PGM3: variants seen among roughly 807,000 people sequenced by gnomAD.
PGM3 encodes phosphoglucomutase 3.
PGM3 carries 40 observed loss-of-function variants against 66.2 expected under a neutral mutation model. That is an observed-to-expected ratio of 0.60 (90% CI 0.47 to 0.79). The LOEUF (loss-of-function observed/expected upper bound fraction) is 0.79, where lower values mean the gene tolerates loss of function less well. PGM3 is among the 30% of genes least tolerant of loss of function. PGM3 has a pLI of 0.00. For missense variants in PGM3, 537 were observed against 643.4 expected (o/e 0.83, Z 1.79); for synonymous variants, 191 against 224.2 (o/e 0.85, Z 1.32).
intron 8 of PGM3, among the ~76,000 whole-genome samples, chr6:83,176,386 G>A (rs1431103681): frequency 6.6e-6 from 1 of 152,184 alleles, no homozygotes; most frequent in African/African-American, 2.4e-5. Context: ...GAGCAGAATT[G>A]CAAGCTTTTT....
chr6:83,189,804 T>C (rs1295383997), intron 2 of PGM3, among the ~76,000 whole-genome samples: 1 of 152,232 alleles, frequency 6.6e-6, no homozygotes, highest in African/African-American at 2.4e-5. Context: ...TAGAATATTA[T>C]TCAGCCTTAA....
Position 83,168,458 on chromosome 6 carries a change from C to T in PGM3, c.*776G>A. On this transcript the variant is annotated 3_prime_UTR_variant, in exon 13 of 13. Coordinates refer to ENST00000513973, the MANE Select transcript of PGM3 (RefSeq NM_015599.3). ...CTTAAACCTGCAAAATATACACTAC[C>T]CATTTTTTTTTTCCATTGGTTTCAG... 1 of 1,065,186 alleles carries T rather than the reference C, an allele frequency of 9.4e-7. No individual in the cohort carries two copies. The highest frequency in any genetic ancestry group is 1.1e-6 in the Non-Finnish European group (1 of 881,646). 66.0% of individuals were successfully genotyped at this position (1,065,186 alleles called of 1,614,324 possible).
chr6:83,150,704 CTT>C, the PGM3 span, among the ~76,000 whole-genome samples: 1 of 152,058 alleles, frequency 6.6e-6, no homozygotes, highest in South Asian at 2.1e-4. Context: ...TGAGTAGACT[CTT>C]AGCAAATAAT....
Position 83,169,211 on chromosome 6 carries a change from T to G in PGM3, c.*23A>C. ...GTAAAGACTTGTAAAAAGTCCAGTT[T>G]CTCAGGAATATGAAAATTATCTTCA... On this transcript the variant is annotated 3_prime_UTR_variant, in exon 13 of 13. Coordinates refer to ENST00000513973, the MANE Select transcript of PGM3 (RefSeq NM_015599.3). 6.2e-7 allele frequency: 1 copy of G among 1,613,546 alleles called. No homozygotes were observed. Among genetic ancestry groups the G allele is most frequent in the South Asian group, 1.1e-5 (1 of 90,968 alleles).
rs768908361 is a variant in PGM3 at position 83,170,446 on chromosome 6, A to G, written c.1398T>C (p.Asp466=). ...VADRRVISTT[D]AERQAVTPPG... ...GGGGTGTAACTGCTTGTCTTTCAGC[A>G]TCGGTAGTGCTAATAACTCTCCTGT... is the stretch of plus-strand genomic sequence containing the variant. Residue 466 remains aspartate, a synonymous_variant, in exon 12 of 13, where the codon GAT becomes GAC. Coordinates refer to ENST00000513973, the MANE Select transcript of PGM3 (RefSeq NM_015599.3). 3.7e-6 allele frequency: 6 copies of G among 1,613,978 alleles called. No individual in the cohort carries two copies. The highest frequency in any genetic ancestry group is 1.7e-5 in the Admixed American group (1 of 60,008).
Position 83,167,003 on chromosome 6 carries a change from T to C in PGM3, c.*2231A>G. 9 of 985,786 alleles carry C rather than the reference T, an allele frequency of 9.1e-6. No homozygotes were observed. Among genetic ancestry groups the C allele is most frequent in the Non-Finnish European group, 9.6e-6 (8 of 830,164 alleles). 61.1% of individuals were successfully genotyped at this position (985,786 alleles called of 1,614,324 possible). On this transcript the variant is annotated 3_prime_UTR_variant, in exon 13 of 13. Transcript: ENST00000513973. ...TTCAACCAACCTGTTCTCTCTTATC[T>C]TTCTCTAGACAGAATGATGTCTGTA...
chr6:83,157,132 T>C (rs771633916), downstream of PGM3: 7 of 1,582,272 alleles, frequency 4.4e-6, no homozygotes, highest in South Asian at 8.1e-5. Context: ...TAGAAAGTTT[T>C]ATGTGATAAA....
downstream of PGM3, among the ~76,000 whole-genome samples, chr6:83,162,182 G>T (rs1167646552): frequency 6.6e-6 from 1 of 152,050 alleles, no homozygotes; most frequent in South Asian, 2.1e-4. Flanking sequence ...TCCTATGCGG[G>T]GAGGGGAGAC....
rs1787737431 is a variant in PGM3, at chr6:83,176,063, A to G, written c.1030-3T>C. 1.3e-6 allele frequency: 2 copies of G among 1,497,816 alleles called. No individual in the cohort carries two copies. The highest frequency in any genetic ancestry group is 1.7e-4 in the Middle Eastern group (1 of 5,810). 92.8% of individuals were successfully genotyped at this position (1,497,816 alleles called of 1,614,324 possible). On this transcript the variant is annotated splice_region_variant and splice_polypyrimidine_tract_variant and intron_variant, in intron 8 of 12. Transcript: ENST00000513973. ...GTCTTAGTGCAATAGACAGGTACCT[A>G]TAACACATGCATTTAAAGAAATACA...
In PGM3 at chr6:83,182,994, A is replaced by C; in HGVS notation, c.458-16T>G. 1 of 1,607,120 alleles carries C rather than the reference A, an allele frequency of 6.2e-7. No homozygotes were observed. The highest frequency in any genetic ancestry group is 8.5e-7 in the Non-Finnish European group (1 of 1,176,446). Reference sequence around the variant, plus strand: ...AAGCCATAATCTGTCATAGAAATACAAAAAGCAATTCACCGCATTTCTTAA... The same window carrying C: ...AAGCCATAATCTGTCATAGAAATACCAAAAGCAATTCACCGCATTTCTTAA... On this transcript the variant is annotated splice_polypyrimidine_tract_variant and intron_variant, in intron 4 of 12. Coordinates refer to ENST00000513973, the MANE Select transcript of PGM3 (RefSeq NM_015599.3).
chr6:83,184,676 C>A (rs771248163), intron 4 of PGM3, among the ~76,000 whole-genome samples: 1 of 152,216 alleles, frequency 6.6e-6, no homozygotes, highest in Non-Finnish European at 1.5e-5. Flanking sequence ...ATCACAAAAT[C>A]CTTTGAATGC....
At chr6:83,174,977 A>G (rs1787646335) in intron 9 of PGM3, among the ~76,000 whole-genome samples, 1 of 152,244 alleles carries the variant, frequency 6.6e-6, no homozygotes, top group African/African-American at 2.4e-5. Flanking sequence ...GATAGTCATT[A>G]CAATATATAA....
intron 1 of PGM3, chr6:83,191,275 T>C (rs1789026032): frequency 1.3e-6 from 2 of 1,529,850 alleles, no homozygotes; most frequent in Non-Finnish European, 1.8e-6. Flanking sequence ...CCATTTTAGC[T>C]CCAGGACTAT....
rs1785775284 is a variant in PGM3, at chr6:83,166,739, A to G, written c.*2495T>C. The stretch of plus-strand genomic sequence containing the variant: ...AAATAAGCAATAAGCTTGAGAGCAC[A>G]TAGAAGAAAATAAGCTGGATTTTGC... On this transcript the variant is annotated 3_prime_UTR_variant, in exon 13 of 13. Coordinates refer to ENST00000513973, the MANE Select transcript of PGM3 (RefSeq NM_015599.3). 74 of 1,138,580 alleles carry G rather than the reference A, an allele frequency of 6.5e-5. No homozygotes were observed. The highest frequency in any genetic ancestry group is 7.9e-5 in the Non-Finnish European group (73 of 929,624). 70.5% of individuals were successfully genotyped at this position (1,138,580 alleles called of 1,614,324 possible).
At chr6:83,177,447 A>G (rs1787859096) in intron 8 of PGM3, among the ~76,000 whole-genome samples, 1 of 150,720 alleles carries the variant, frequency 6.6e-6, no homozygotes, top group Admixed American at 6.6e-5. Context: ...AACCTCTCCA[A>G]AAAAAAAAGA....
rs190676594 is a variant in PGM3, at chr6:83,192,272, A to C, written c.-3+907T>G. Among the ~76,000 whole-genome samples the C allele has an allele frequency of 6.7e-3, 1,022 of 152,358 alleles. 9 individuals are homozygous for C. Among genetic ancestry groups the C allele is most frequent in the South Asian group, 0.014 (67 of 4,830 alleles). On this transcript the variant is annotated intron_variant, in intron 1 of 12. Coordinates refer to ENST00000513973, the MANE Select transcript of PGM3 (RefSeq NM_015599.3). Reference sequence around the variant, plus strand: ...AGGGTGAGACTCCGTCTCAAAACAAACAACAACAAAAAATCGGCCCTTAGC... The same window carrying C: ...AGGGTGAGACTCCGTCTCAAAACAACCAACAACAAAAAATCGGCCCTTAGC...
Position 83,166,226 on chromosome 6 carries a change from C to A in PGM3, c.*3008G>T, listed in dbSNP as rs1361575307. ...TCAATTTGCTTCAAATGCCGAACGA[C>A]CATAAAATGGTCAACATTGAGTTCT... On this transcript the variant is annotated 3_prime_UTR_variant, in exon 13 of 13. Coordinates refer to ENST00000513973, the MANE Select transcript of PGM3 (RefSeq NM_015599.3). 3.9e-6 allele frequency: 2 copies of A among 511,094 alleles called. No homozygotes were observed. The highest frequency in any genetic ancestry group is 6.9e-6 in the Non-Finnish European group (2 of 290,298). The allele number at this position is 511,094 out of a possible 1,614,324, so 31.7% of individuals were successfully genotyped here.
intron 4 of PGM3, 97 bp downstream of exon 4, chr6:83,186,911 C>T (rs1788624063): frequency 1.6e-6 from 1 of 627,872 alleles, no homozygotes; most frequent in African/African-American, 1.9e-5. Context: ...TTTTGTTCAT[C>T]TGTATTTTCA....
At chr6:83,178,346 T>C (rs980361597) in intron 8 of PGM3, among the ~76,000 whole-genome samples, 1 of 152,186 alleles carries the variant, frequency 6.6e-6, no homozygotes, top group Non-Finnish European at 1.5e-5. Context: ...ATATTTGAAA[T>C]TGGTGACTCT....
Sources: allele counts gnomAD v4.1 joint callset (sites outside exome capture counted in the v4.1 genomes callset), GRCh38; gene constraint gnomAD v4.1.1; transcripts MANE v1.5; gene names NCBI Gene and HGNC (gene_info 2026-07-23, HGNC 2026-07-21).